The following ARHGAP39 variants were observed in gnomAD, a reference collection of about 807,000 sequenced individuals.
ARHGAP39 encodes the protein rho GTPase-activating protein 39.
Under a neutral mutation model 106.9 loss-of-function variants are expected in ARHGAP39, and 44 were observed. That is an observed-to-expected ratio of 0.41 (90% CI 0.32 to 0.53). The LOEUF is 0.53. Ranked by LOEUF, ARHGAP39 falls within the 20% of genes least tolerant of loss-of-function variation. The probability of loss-of-function intolerance (pLI) is 0.21; values close to 1 mark genes in which losing one functional copy is unlikely to be tolerated. For missense variants in ARHGAP39, 1,496 were observed against 1,577.3 expected, an observed-to-expected ratio of 0.95 and a Z score of 0.87; for synonymous variants, 768 against 693.2, an observed-to-expected ratio of 1.11 and a Z score of -1.69.
chr8:144,600,257 T>G, intron 2 of ARHGAP39, among the ~76,000 whole-genome samples: 1 of 139,610 alleles, frequency 7.2e-6, no homozygotes, highest in Non-Finnish European at 1.5e-5. Flanking sequence ...CGTGTGCGTG[T>G]GCGTGGGGGT....
chr8:144,690,666 A>G (rs1274430413), upstream of ARHGAP39, among the ~76,000 whole-genome samples: 1 of 147,878 alleles, frequency 6.8e-6, no homozygotes, highest in Admixed American at 6.7e-5. Flanking sequence ...TTCCCTTGAG[A>G]CAGGGTCTTG....
chr8:144,675,389 G>A (rs746644921), intron 1 of ARHGAP39, among the ~76,000 whole-genome samples: 11 of 152,172 alleles, frequency 7.2e-5, no homozygotes, highest in South Asian at 2.1e-4. Flanking sequence ...ACGAAGCCGC[G>A]GACCCTCGCG....
At chr8:144,690,072 C>T (rs1313013206), upstream of ARHGAP39, among the ~76,000 whole-genome samples, 1 of 151,240 alleles carries the variant, frequency 6.6e-6, no homozygotes. Flanking sequence ...GAGAAACCAC[C>T]GAACTCTTTT....
chr8:144,692,139 CT>C, the ARHGAP39 span, among the ~76,000 whole-genome samples: 1 of 152,134 alleles, frequency 6.6e-6, no homozygotes, highest in East Asian at 1.9e-4. Context: ...CAGCCTTTGG[CT>C]TCCCTGCTGT....
intron 1 of ARHGAP39, among the ~76,000 whole-genome samples, chr8:144,635,520 C>A (rs1287085754): frequency 6.6e-6 from 1 of 152,212 alleles, no homozygotes; most frequent in East Asian, 1.9e-4. Flanking sequence ...ATGTAAGCTT[C>A]CCAAAATTCT....
intron 3 of ARHGAP39, among the ~76,000 whole-genome samples, chr8:144,565,238 A>G (rs1465521623): frequency 6.6e-6 from 1 of 152,074 alleles, no homozygotes; most frequent in Non-Finnish European, 1.5e-5. Flanking sequence ...AGCCTGCATC[A>G]CTGCACTCCA....
intron 4 of ARHGAP39, among the ~76,000 whole-genome samples, chr8:144,549,901 A>G (rs1368178330): frequency 6.6e-6 from 1 of 152,196 alleles, no homozygotes; most frequent in Non-Finnish European, 1.5e-5. Flanking sequence ...CTATTCAGCT[A>G]TGTTTAATCT....
chr8:144,606,631 G>A (rs556819104), intron 1 of ARHGAP39, among the ~76,000 whole-genome samples: 18 of 152,018 alleles, frequency 1.2e-4, no homozygotes, highest in Non-Finnish European at 2.2e-4. Context: ...GGAGGAGGAG[G>A]TGACGGTGGA....
At chr8:144,593,819 G>C (rs1476270778) in intron 2 of ARHGAP39, among the ~76,000 whole-genome samples, 1 of 152,188 alleles carries the variant, frequency 6.6e-6, no homozygotes, top group Non-Finnish European at 1.5e-5. Flanking sequence ...GCTGGGTGCC[G>C]TGGCTAACGC....
chr8:144,575,442 A>C (rs1009032348), intron 3 of ARHGAP39, among the ~76,000 whole-genome samples: 26 of 152,278 alleles, frequency 1.7e-4, no homozygotes, highest in African/African-American at 6.0e-4. Flanking sequence ...CTTATTCTAT[A>C]AGCTTTTTTA....
chr8:144,603,370 T>TAC, intron 2 of ARHGAP39, among the ~76,000 whole-genome samples: 1 of 152,214 alleles, frequency 6.6e-6, no homozygotes, highest in African/African-American at 2.4e-5. Flanking sequence ...CCTGTGTGTG[T>TAC]ACATGTGCAT....
chr8:144,574,066 A>G (rs7009067), intron 3 of ARHGAP39, among the ~76,000 whole-genome samples: 13,766 of 149,442 alleles, frequency 0.092, 1,486 homozygotes, highest in African/African-American at 0.26. Context: ...CCAGCTACTC[A>G]GGAGGCTGAT....
At chr8:144,587,743 C>T (rs1458746738) in intron 2 of ARHGAP39, among the ~76,000 whole-genome samples, 1 of 151,778 alleles carries the variant, frequency 6.6e-6, no homozygotes, top group African/African-American at 2.4e-5. Context: ...CGACTTCTGC[C>T]TCCCAGGTTC....
chr8:144,681,863 C>T (rs1448155200), intron 1 of ARHGAP39, among the ~76,000 whole-genome samples: 1 of 151,816 alleles, frequency 6.6e-6, no homozygotes, highest in African/African-American at 2.4e-5. Flanking sequence ...TGATGAGATG[C>T]GATTTTCTAA....
intron 1 of ARHGAP39, among the ~76,000 whole-genome samples, chr8:144,653,502 G>C (rs1305711872): frequency 2.6e-5 from 4 of 152,100 alleles, no homozygotes; most frequent in Admixed American, 2.0e-4. Context: ...GGAAGCACAA[G>C]CTCCTCCACC....
intron 3 of ARHGAP39, 28 bp from the exon 4 acceptor site, chr8:144,555,671 T>C: frequency 6.3e-7 from 1 of 1,580,896 alleles, no homozygotes; most frequent in Non-Finnish European, 8.7e-7. Context: ...GAAAGAAATA[T>C]GAATATAAGT....
intron 6 of ARHGAP39, among the ~76,000 whole-genome samples, chr8:144,542,648 C>T (rs996696768): frequency 2.7e-5 from 4 of 146,002 alleles, no homozygotes; most frequent in East Asian, 2.0e-4. Flanking sequence ...CCCACTTCGA[C>T]GGAGTCTTGG....
At chr8:144,628,491 T>C (rs947141106) in intron 1 of ARHGAP39, among the ~76,000 whole-genome samples, 1 of 152,148 alleles carries the variant, frequency 6.6e-6, no homozygotes, top group Non-Finnish European at 1.5e-5. Flanking sequence ...CGTGGCATCA[T>C]CCAGCTTTAG....
In ARHGAP39 at chr8:144,671,769, T is replaced by C. The variant is rs1199420053; in HGVS notation, c.-82+13917A>G. Reference sequence around the variant, plus strand: ...ACGGCCACCTCTGCTGTCCACAGGATGTTAGCACAACTCACTCCCGTGTCC... The same window carrying C: ...ACGGCCACCTCTGCTGTCCACAGGACGTTAGCACAACTCACTCCCGTGTCC... On this transcript the variant is annotated intron_variant, in intron 1 of 11. Transcript: ENST00000377307. The surrounding 1 kb of genome is among the most constrained non-coding windows in gnomAD (Gnocchi z 4.5). 6.6e-6 allele frequency among the ~76,000 whole-genome samples: 1 copy of C among 152,206 alleles called. No homozygotes were observed. The highest frequency in any genetic ancestry group is 1.5e-5 in the Non-Finnish European group (1 of 68,030).
Sources: allele counts gnomAD v4.1 joint callset (sites outside exome capture counted in the v4.1 genomes callset), GRCh38; gene constraint gnomAD v4.1.1; non-coding constraint Gnocchi (gnomAD v3.1); transcripts MANE v1.5; gene names NCBI Gene and HGNC (gene_info 2026-07-23, HGNC 2026-07-21).